The following TASP1 variants were observed in gnomAD, a reference collection of about 807,000 sequenced individuals.
TASP1 encodes the protein taspase 1, also known as threonine aspartase 1.
TASP1 carries 16 observed loss-of-function variants against 56.6 expected under a neutral mutation model. That is an observed-to-expected ratio of 0.28 (90% CI 0.19 to 0.43). The LOEUF is 0.43. TASP1 is among the 20% of genes least tolerant of loss of function. TASP1 has a pLI of 1.00. For missense variants in TASP1, 393 were observed against 511.6 expected (o/e 0.77, Z 2.24); for synonymous variants, 179 against 184.2 (o/e 0.97, Z 0.23).
rs548070915 is a variant in TASP1, at chr20:13,475,367, C to T, written c.985+7860G>A. Among the ~76,000 whole-genome samples, 100 of 152,220 alleles carry T rather than the reference C, an allele frequency of 6.6e-4. 1 individual carries two copies. Among genetic ancestry groups the T allele is most frequent in the African/African-American group, 2.2e-3 (93 of 41,556 alleles). On this transcript the variant is annotated intron_variant, in intron 11 of 13. Coordinates refer to ENST00000337743, the MANE Select transcript of TASP1 (RefSeq NM_017714.3). ...TGCCATATGGTATTCTGTTGGTGGA[C>T]ATTACAGTTCTTTCCATCATTTAAA...
At chr20:13,218,259 A>AGAAT in the TASP1 span, among the ~76,000 whole-genome samples, 1 of 151,818 alleles carries the variant, frequency 6.6e-6, no homozygotes, top group East Asian at 2.0e-4. Flanking sequence ...AAAAAAAAAA[A>AGAAT]GAATGAATGA....
At chr20:13,163,163 T>C in the TASP1 span, among the ~76,000 whole-genome samples, 1 of 150,348 alleles carries the variant, frequency 6.7e-6, no homozygotes, top group African/African-American at 2.4e-5. Context: ...AGGTCAGGAG[T>C]TCGAGACCAG....
intron 10 of TASP1, among the ~76,000 whole-genome samples, chr20:13,498,718 T>G (rs556624739): frequency 4.0e-5 from 6 of 148,572 alleles, no homozygotes; most frequent in Non-Finnish European, 5.9e-5. Context: ...TCAACATCGC[T>G]ACTGATCAGA....
At chr20:13,483,937 A>T (rs2043230344) in intron 10 of TASP1, among the ~76,000 whole-genome samples, 1 of 152,230 alleles carries the variant, frequency 6.6e-6, no homozygotes, top group South Asian at 2.1e-4. Flanking sequence ...TCCAGAATCT[A>T]CAATGAACTC....
At chr20:13,165,537 C>A in the TASP1 span, 2 of 152,212 alleles carry the variant, frequency 1.3e-5, no homozygotes, top group African/African-American at 2.4e-5. Context: ...AGTTTTACAG[C>A]TGAGCTTTTG....
intron 10 of TASP1, among the ~76,000 whole-genome samples, chr20:13,493,910 G>C (rs2043629892): frequency 6.6e-6 from 1 of 152,092 alleles, no homozygotes; most frequent in South Asian, 2.1e-4. Context: ...ACTCTAATTA[G>C]AGCATCAGGG....
intron 1 of TASP1, among the ~76,000 whole-genome samples, chr20:13,634,266 A>C (rs1568676919): frequency 6.6e-6 from 1 of 152,238 alleles, no homozygotes; most frequent in East Asian, 1.9e-4. Flanking sequence ...ACAATGAAAA[A>C]AACAGACACA....
the TASP1 span, among the ~76,000 whole-genome samples, chr20:13,246,203 G>C: frequency 2.6e-5 from 4 of 151,892 alleles, no homozygotes; most frequent in African/African-American, 9.7e-5. Flanking sequence ...AACCCAGGAG[G>C]CGGAGGTTGC....
intron 13 of TASP1, among the ~76,000 whole-genome samples, chr20:13,394,318 A>AAAAAAAAAAAAAG (rs1568741093): frequency 2.7e-5 from 4 of 146,630 alleles, no homozygotes; most frequent in African/African-American, 1.0e-4. Flanking sequence ...AAAAAAAAAA[A>AAAAAAAAAAAAAG]AAAAAAAAAA....
chr20:13,572,262 C>T, intron 6 of TASP1, among the ~76,000 whole-genome samples: 1 of 152,126 alleles, frequency 6.6e-6, no homozygotes, highest in East Asian at 1.9e-4. Context: ...AATAGAGTGT[C>T]AAACTTCTCT....
At chr20:13,196,214 C>G in the TASP1 span, among the ~76,000 whole-genome samples, 1 of 152,108 alleles carries the variant, frequency 6.6e-6, no homozygotes, top group Admixed American at 6.5e-5. Flanking sequence ...AGTAAACTGA[C>G]CAAGCTATTA....
At chr20:13,400,992 C>A (rs1187797601) in intron 13 of TASP1, among the ~76,000 whole-genome samples, 1 of 152,104 alleles carries the variant, frequency 6.6e-6, no homozygotes, top group East Asian at 1.9e-4. Flanking sequence ...GGTTCAAAAT[C>A]TACAACACGG....
chr20:13,615,045 C>T (rs904875577), intron 4 of TASP1, among the ~76,000 whole-genome samples: 3 of 152,132 alleles, frequency 2.0e-5, no homozygotes, highest in Non-Finnish European at 4.4e-5. Context: ...ATAATTTAAA[C>T]CATCCTTTTA....
the TASP1 span, among the ~76,000 whole-genome samples, chr20:13,287,562 A>G: frequency 1.3e-5 from 2 of 152,044 alleles, no homozygotes; most frequent in Non-Finnish European, 1.5e-5. Context: ...CCACTCATCA[A>G]TTTCTAACAT....
the TASP1 span, among the ~76,000 whole-genome samples, chr20:13,200,395 T>C: frequency 2.6e-5 from 4 of 152,208 alleles, no homozygotes; most frequent in Non-Finnish European, 5.9e-5. Context: ...TAGCTCAGAC[T>C]GTGATCCTGG....
Position 13,520,047 on chromosome 20 carries a change from T to C in TASP1, c.874+8386A>G, listed in dbSNP as rs538790762. Among the ~76,000 whole-genome samples the C allele has an allele frequency of 4.3e-3, 655 of 152,254 alleles. 1 individual carries two copies. The highest frequency in any genetic ancestry group is 0.017 in the Middle Eastern group (5 of 294). ...ATTGCTTCAAAGAGAATAAAATAGCTAGGAATCCAACTTACAAGGGAAGTG... is the reference window on the plus strand; with the variant it reads ...ATTGCTTCAAAGAGAATAAAATAGCCAGGAATCCAACTTACAAGGGAAGTG... On this transcript the variant is annotated intron_variant, in intron 10 of 13. Transcript: ENST00000337743.
chr20:13,531,752 C>T (rs373286588), intron 9 of TASP1, among the ~76,000 whole-genome samples: 3 of 152,292 alleles, frequency 2.0e-5, no homozygotes, highest in African/African-American at 7.2e-5. Flanking sequence ...CAACCTCTGC[C>T]TCCCAGGTTC....
chr20:13,626,592 A>G (rs73270739), intron 2 of TASP1, among the ~76,000 whole-genome samples: 79 of 152,318 alleles, frequency 5.2e-4, no homozygotes, highest in African/African-American at 1.8e-3. Context: ...CTGTCGTACA[A>G]GGAGCCAGGA....
chr20:13,464,678 T>C (rs2044181894), intron 11 of TASP1, among the ~76,000 whole-genome samples: 1 of 152,044 alleles, frequency 6.6e-6, no homozygotes, highest in African/African-American at 2.4e-5. Context: ...ATGATTCCAC[T>C]TACAAGAGGT....
Sources: allele counts gnomAD v4.1 joint callset (sites outside exome capture counted in the v4.1 genomes callset), GRCh38; gene constraint gnomAD v4.1.1; transcripts MANE v1.5; gene names NCBI Gene and HGNC (gene_info 2026-07-23, HGNC 2026-07-21).